Variants in PLA2G4D observed in about 807,000 individuals in gnomAD.
PLA2G4D encodes the protein phospholipase A2 group IVD.
A neutral mutation model predicts 94.4 loss-of-function variants in PLA2G4D; 80 were observed. That is an observed-to-expected ratio of 0.85 (90% CI 0.71 to 1.02). The LOEUF is 1.02. Ranked by LOEUF, PLA2G4D falls within the 50% of genes least tolerant of loss-of-function variation. The probability of loss-of-function intolerance (pLI) is 0.00; values close to 1 mark genes in which losing one functional copy is unlikely to be tolerated. For synonymous variants in PLA2G4D, 438 were observed against 440.9 expected (o/e 0.99, Z 0.08); for missense variants, 1,050 against 1,034.7 (o/e 1.01, Z -0.20).
intron 15 of PLA2G4D, 53 bp downstream of exon 15, chr15:42,071,721 A>G: frequency 2.0e-6 from 3 of 1,533,390 alleles, no homozygotes; most frequent in South Asian, 1.1e-5. Flanking sequence ...ACCCATGTCC[A>G]TTCAGACACC....
At position 42,094,407 on chromosome 15, in the gene PLA2G4D, A is replaced by T; in HGVS notation, c.45+8T>A. Reference sequence around the variant, plus strand: ...ACTGGTGCCCACATGCTCTGCAGACACTGTTACCTGGTAAGGGTGGCCAGG... The same window carrying T: ...ACTGGTGCCCACATGCTCTGCAGACTCTGTTACCTGGTAAGGGTGGCCAGG... On this transcript the variant is annotated splice_region_variant and intron_variant, in intron 1 of 19. Coordinates refer to ENST00000290472, the MANE Select transcript of PLA2G4D (RefSeq NM_178034.4). The T allele has an allele frequency of 6.2e-7, 1 of 1,613,940 alleles. No homozygotes were observed. The highest frequency in any genetic ancestry group is 1.1e-5 in the South Asian group (1 of 91,078).
chr15:42,080,944 G>A (rs1890023309), intron 12 of PLA2G4D, 53 bp downstream of exon 12: 3 of 1,587,572 alleles, frequency 1.9e-6, no homozygotes, highest in East Asian at 2.3e-5. Context: ...TGCCCACTCT[G>A]CCCCGCTATG....
intron 1 of PLA2G4D, among the ~76,000 whole-genome samples, chr15:42,092,761 A>G (rs550215304): frequency 6.6e-6 from 1 of 152,250 alleles, no homozygotes; most frequent in East Asian, 1.9e-4. Context: ...CACGTTTGCC[A>G]GGAAGTTTTG....
At chr15:42,086,142 A>G in intron 4 of PLA2G4D, 71 bp downstream of exon 4, 1 of 1,466,338 alleles carries the variant, frequency 6.8e-7, no homozygotes, top group Admixed American at 2.0e-5. Flanking sequence ...CAGGTGGGAG[A>G]AATAGCTACT....
intron 1 of PLA2G4D, 145 bp from the exon 2 acceptor site, chr15:42,087,845 T>A: frequency 1.3e-6 from 1 of 786,398 alleles, no homozygotes; most frequent in Non-Finnish European, 2.0e-6. Context: ...GGACACCCTC[T>A]GGGGACCAAA....
intron 18 of PLA2G4D, 148 bp downstream of exon 18, chr15:42,070,569 C>G (rs1889783501): frequency 9.5e-7 from 1 of 1,048,030 alleles, no homozygotes; most frequent in Non-Finnish European, 1.4e-6. Context: ...ACCTAAGGAC[C>G]CTGGCAGGAG....
intron 9 of PLA2G4D, 93 bp from the exon 10 acceptor site, chr15:42,081,927 CTTTTTTTTT>C (rs398027016): frequency 2.4e-5 from 17 of 705,388 alleles, no homozygotes; most frequent in East Asian, 2.2e-4. Flanking sequence ...CATCTTCATT[CTTTTTTTTT>C]TTTTTTTTTT....
Position 42,087,422 on chromosome 15 carries a change from G to T in PLA2G4D, c.133C>A (p.Pro45Thr). 6.2e-7 allele frequency: 1 copy of T among 1,614,066 alleles called. No homozygotes were observed. Among genetic ancestry groups the T allele is most frequent in the Non-Finnish European group, 8.5e-7 (1 of 1,179,986 alleles). The change falls in exon 3 of 20, where the codon CCT becomes ACT. Residue 45 changes from proline to threonine, a missense_variant. Physicochemically the swap from Pro to Thr is conservative, Grantham distance 38. Transcript: ENST00000290472. ...RWADLLSEAD[P>T]YVILQLSTAP... is the part of the protein sequence containing the mutation. ...GTCGACAGCTGTAGGATCACGTAAGGGTCGGCCTCACTCACTGCCAAGGTT... is the reference window on the plus strand; with the variant it reads ...GTCGACAGCTGTAGGATCACGTAAGTGTCGGCCTCACTCACTGCCAAGGTT...
In PLA2G4D at chr15:42,079,744, C is replaced by T; in HGVS notation, c.1110G>A (p.Leu370=). The change falls in exon 13 of 20, where the codon CTG becomes CTA. Residue 370 remains leucine (L), a synonymous_variant. Coordinates refer to ENST00000290472, the MANE Select transcript of PLA2G4D (RefSeq NM_178034.4). Reference sequence around the variant, plus strand: ...TCTGCGACCACTCAGGGTCCCCGTACAGGTGGGCCATTGTCCTGGAAGAAC... The same window carrying T: ...TCTGCGACCACTCAGGGTCCCCGTATAGGTGGGCCATTGTCCTGGAAGAAC... The part of the protein sequence containing the change: ...ISGSTWTMAH[L]YGDPEWSQRD... 1 of 1,600,904 alleles carries T rather than the reference C, an allele frequency of 6.2e-7. No homozygotes were observed. Among genetic ancestry groups the T allele is most frequent in the Non-Finnish European group, 8.5e-7 (1 of 1,175,264 alleles).
In PLA2G4D at chr15:42,081,447, A is replaced by G. The variant is rs536943414; in HGVS notation, c.957+32T>C. The G allele has an allele frequency of 7.5e-5, 120 of 1,605,612 alleles. 5 individuals carry two copies. The South Asian group carries it at 1.3e-3, about 17-fold the overall frequency. ...TACTCCCTTATGGCCCGTCCAGGAT[A>G]TCTGCACACACATCCCTCTGCACCC... On this transcript the variant is annotated intron_variant, in intron 11 of 19. Transcript: ENST00000290472.
chr15:42,093,323 T>C (rs1157919267), intron 1 of PLA2G4D, among the ~76,000 whole-genome samples: 1 of 152,152 alleles, frequency 6.6e-6, no homozygotes, highest in Admixed American at 6.5e-5. Context: ...GCTTTTGTTT[T>C]ACCCAGGAGC....
rs1475547920 is a variant in PLA2G4D, at chr15:42,071,536, A to G, written c.1589T>C (p.Ile530Thr). ...ICFLEAIWSN[I>T]FSLNLLDAWY... is the part of the protein sequence containing the mutation. ...GGCATCCAGCAGGTTCAGGGAGAAA[A>G]TGTTGCTCCAGATGGCTGAGGAACA... is the stretch of plus-strand genomic sequence containing the variant. Residue 530 changes from isoleucine to threonine, a missense_variant, in exon 16 of 20, where the codon ATT becomes ACT. Transcript: ENST00000290472. 6.2e-7 allele frequency: 1 copy of G among 1,613,396 alleles called. No homozygotes were observed. The highest frequency in any genetic ancestry group is 1.3e-5 in the African/African-American group (1 of 74,830).
intron 1 of PLA2G4D, among the ~76,000 whole-genome samples, chr15:42,091,167 C>T (rs1890238426): frequency 6.6e-6 from 1 of 152,188 alleles, no homozygotes; most frequent in Non-Finnish European, 1.5e-5. Flanking sequence ...TGGCAAGCCA[C>T]CCAGGCGCCG....
At position 42,081,529 on chromosome 15, in the gene PLA2G4D, T is replaced by C. The variant is rs926515052; in HGVS notation, c.907A>G (p.Lys303Glu). The C allele has an allele frequency of 8.1e-6, 13 of 1,614,212 alleles. No individual in the cohort carries two copies. Among genetic ancestry groups the C allele is most frequent in the Non-Finnish European group, 1.1e-5 (13 of 1,180,034 alleles). ...AGCTGCAGGGCCTGCTTCAGGGCCTTGGCCACCACCTGCTTCCTCCTGCTC... is the reference window on the plus strand; with the variant it reads ...AGCTGCAGGGCCTGCTTCAGGGCCTCGGCCACCACCTGCTTCCTCCTGCTC... The part of the protein sequence containing the change: ...FLSRRKQVVA[K>E]ALKQALQLDR... Residue 303 changes from lysine to glutamate, a missense_variant, in exon 11 of 20, where the codon AAG becomes GAG. Physicochemically the swap from Lys to Glu is moderately conservative, Grantham distance 56. Coordinates refer to ENST00000290472, the MANE Select transcript of PLA2G4D (RefSeq NM_178034.4).
chr15:42,071,853 A>C lies in PLA2G4D; in HGVS notation c.1494T>G (p.Pro498=). The change falls in exon 15 of 20, where the codon CCT becomes CCG. Residue 498 remains proline, a synonymous_variant. Coordinates refer to ENST00000290472, the MANE Select transcript of PLA2G4D (RefSeq NM_178034.4). ...VGFLKYGAFV[P]PELFGSEFFM... ...AGAACTCGGAGCCGAAGAGCTCAGG[A>C]GGGACGAAGGCCCCGTACTTCAGGA... is the stretch of plus-strand genomic sequence containing the variant. 1 of 1,614,190 alleles carries C rather than the reference A, an allele frequency of 6.2e-7. No individual in the cohort carries two copies. Among genetic ancestry groups the C allele is most frequent in the Non-Finnish European group, 8.5e-7 (1 of 1,180,008 alleles).
At chr15:42,081,167 G>GA (rs1161592629) in intron 11 of PLA2G4D, 34 bp from the exon 12 acceptor site, 2 of 1,603,828 alleles carry the variant, frequency 1.2e-6, no homozygotes, top group Non-Finnish European at 1.7e-6. Context: ...GATTAACAAG[G>GA]AAAGGGGCCA....
At position 42,072,360 on chromosome 15, in the gene PLA2G4D, G is replaced by A. The variant is rs763162903; in HGVS notation, c.1350C>T (p.Ala450=). 9.9e-6 allele frequency: 16 copies of A among 1,613,242 alleles called. No individual in the cohort carries two copies. Among genetic ancestry groups the A allele is most frequent in the Middle Eastern group, 1.8e-4 (1 of 5,544 alleles). ...VMDQKLSGQR[A]ALERGQNPLP... is the part of the protein sequence containing the mutation. The stretch of plus-strand genomic sequence containing the variant: ...GAGGGTTCTGACCCCGTTCCAGGGC[G>A]GCTCTCTGTCCTGACAGCTTCTGAT... Residue 450 remains alanine, a synonymous_variant, in exon 14 of 20, where the codon GCC becomes GCT. Coordinates refer to ENST00000290472, the MANE Select transcript of PLA2G4D (RefSeq NM_178034.4).
chr15:42,088,310 T>G (rs1053316505), intron 1 of PLA2G4D, among the ~76,000 whole-genome samples: 4 of 152,144 alleles, frequency 2.6e-5, no homozygotes, highest in African/African-American at 7.2e-5. Flanking sequence ...CCACTGTGTA[T>G]TAAGATGCTG....
chr15:42,086,195 C>CCCT lies in PLA2G4D; in HGVS notation c.387+17_387+18insAGG. The stretch of plus-strand genomic sequence containing the variant: ...GAAGAAGTGGGGCCCACGGGGACTT[C>CCCT]CCCACCCACCCACCCACCTGGGGAC... On this transcript the variant is annotated intron_variant, in intron 4 of 19. Coordinates refer to ENST00000290472, the MANE Select transcript of PLA2G4D (RefSeq NM_178034.4). 5.5e-6 allele frequency: 2 copies of CCCT among 361,592 alleles called. No individual in the cohort carries two copies. Among genetic ancestry groups the CCCT allele is most frequent in the South Asian group, 2.3e-5 (1 of 43,202 alleles). The allele number at this position is 361,592 out of a possible 1,614,324, so 22.4% of individuals were successfully genotyped here.
Sources: gnomAD v4.1 joint callset for allele counts (sites outside exome capture counted in the v4.1 genomes callset) on GRCh38, gnomAD v4.1.1 for gene constraint, MANE v1.5 for transcripts, NCBI Gene and HGNC (gene_info 2026-07-23, HGNC 2026-07-21) for gene names.